The following RAB3C variants were observed in gnomAD, a reference collection of about 807,000 sequenced individuals.
RAB3C encodes RAB3C, member RAS oncogene family, also known as ras-related protein Rab-3C.
Under a neutral mutation model 26.4 loss-of-function variants are expected in RAB3C, and 17 were observed. The ratio of observed to expected loss-of-function variants is 0.64; its 90% CI spans 0.44 to 0.97. RAB3C has a LOEUF of 0.97. Among genes scored for constraint, RAB3C ranks in the 50% least tolerant of loss-of-function variants. The probability of loss-of-function intolerance (pLI) is 0.00; values close to 1 mark genes in which losing one functional copy is unlikely to be tolerated. For missense variants in RAB3C, 242 were observed against 281.9 expected, an observed-to-expected ratio of 0.86 and a Z score of 1.01; for synonymous variants, 91 against 95.9, an observed-to-expected ratio of 0.95 and a Z score of 0.30.
At chr5:58,674,997 G>C (rs1043839970) in intron 2 of RAB3C, among the ~76,000 whole-genome samples, 1 of 152,066 alleles carries the variant, frequency 6.6e-6, no homozygotes, top group African/African-American at 2.4e-5. Flanking sequence ...GCATTCCTCA[G>C]ACCTCGTGGT....
rs1173604247 is a variant in RAB3C at position 58,745,392 on chromosome 5, C to CAAAAAA, written c.371+19294_371+19299dup. On this transcript the variant is annotated intron_variant, in intron 3 of 4. Transcript: ENST00000282878. ...GCCTGGGCTGAGCGAGACTCTGCTT[C>CAAAAAA]AAAAAAAAAAAAAAAAAAAAAAAAA... Among the ~76,000 whole-genome samples, 24 of 33,096 alleles carry CAAAAAA rather than the reference C, an allele frequency of 7.3e-4. 1 individual carries two copies. The highest frequency in any genetic ancestry group is 1.5e-3 in the Admixed American group (4 of 2,608). 21.7% of individuals were successfully genotyped at this position (33,096 alleles called of 152,430 possible).
rs75384872 is a variant in RAB3C at position 58,584,670 on chromosome 5, A to G, written c.24+1438A>G. On this transcript the variant is annotated intron_variant, in intron 1 of 4. Coordinates refer to ENST00000282878, the MANE Select transcript of RAB3C (RefSeq NM_138453.4). ...AGTAGATCATTATACTTCACTATGT[A>G]TATGTATATTAAAACATGTACATCT... Among the ~76,000 whole-genome samples, 898 of 152,330 alleles carry G rather than the reference A, an allele frequency of 5.9e-3. 11 individuals carry two copies. The highest frequency in any genetic ancestry group is 0.021 in the African/African-American group (853 of 41,580).
In RAB3C at chr5:58,697,217, A is replaced by G. The variant is rs544432931; in HGVS notation, c.253-28785A>G. ...TTCAGGAGCAGGTTGTTCCGTTTCC[A>G]TGTAGTTGTGCAGTTTTGAGTGAGT... is the stretch of plus-strand genomic sequence containing the variant. On this transcript the variant is annotated intron_variant, in intron 2 of 4. Coordinates refer to ENST00000282878, the MANE Select transcript of RAB3C (RefSeq NM_138453.4). Among the ~76,000 whole-genome samples, 12 of 152,222 alleles carry G rather than the reference A, an allele frequency of 7.9e-5. No individual in the cohort carries two copies. In the South Asian group the frequency reaches 2.1e-3, roughly 26 times the overall value.
chr5:58,741,319 C>A (rs1741270126), intron 3 of RAB3C, among the ~76,000 whole-genome samples: 1 of 152,126 alleles, frequency 6.6e-6, no homozygotes, highest in Non-Finnish European at 1.5e-5. Flanking sequence ...GAATCCTTGC[C>A]CAAATGGTTG....
chr5:58,709,990 T>G (rs1174897619), intron 2 of RAB3C, among the ~76,000 whole-genome samples: 3 of 152,150 alleles, frequency 2.0e-5, no homozygotes, highest in Non-Finnish European at 4.4e-5. Flanking sequence ...TACAGAAATG[T>G]GAGGTCACTA....
intron 3 of RAB3C, among the ~76,000 whole-genome samples, chr5:58,734,112 C>T (rs1447245219): frequency 1.3e-5 from 2 of 152,158 alleles, no homozygotes; most frequent in African/African-American, 4.8e-5. Flanking sequence ...CTCTTCCTAT[C>T]AGTTTTAAAT....
rs547400225 is a variant in RAB3C at position 58,851,827 on chromosome 5, G to C, written c.*476G>C. The C allele has an allele frequency of 1.3e-5, 2 of 152,356 alleles. No individual in the cohort carries two copies. Among genetic ancestry groups the C allele is most frequent in the Admixed American group, 6.6e-5 (1 of 15,264 alleles). The allele number at this position is 152,356 out of a possible 1,614,324, so 9.4% of individuals were successfully genotyped here. A position where few individuals can be genotyped will look rare whatever the true frequency, so the allele number is the denominator to read the frequency against. ...CAAGACTTCATTTGCTTTACTCTTA[G>C]TTGAAAATCAAATGGAAGTTTTTCT... On this transcript the variant is annotated 3_prime_UTR_variant, in exon 5 of 5. Transcript: ENST00000282878.
intron 2 of RAB3C, among the ~76,000 whole-genome samples, chr5:58,711,239 A>T (rs1158152817): frequency 6.6e-6 from 1 of 152,192 alleles, no homozygotes; most frequent in African/African-American, 2.4e-5. Flanking sequence ...AGCAAGAAAC[A>T]ATGTTCCACT....
intron 3 of RAB3C, among the ~76,000 whole-genome samples, chr5:58,727,782 TTTCCAA>T (rs1208187173): frequency 2.6e-5 from 4 of 152,082 alleles, no homozygotes; most frequent in South Asian, 2.1e-4. Context: ...TATTATAAGT[TTTCCAA>T]AAGAACAAGA....
rs774601243 is a variant in RAB3C, at chr5:58,805,615, G to GAA, written c.372-19417_372-19416dup. ...AAAAAAAAAAAAAAAGAGAGAGAGA[G>GAA]AAAAAAAGAAAAGGAAAGAAAGAGA... On this transcript the variant is annotated intron_variant, in intron 3 of 4. Transcript: ENST00000282878. 6.8e-3 allele frequency among the ~76,000 whole-genome samples: 1,007 copies of GAA among 148,028 alleles called. 15 individuals carry two copies. The highest frequency in any genetic ancestry group is 9.6e-3 in the Non-Finnish European group (643 of 66,862).
At chr5:58,824,328 A>G (rs1048298492) in intron 3 of RAB3C, among the ~76,000 whole-genome samples, 3 of 116,666 alleles carry the variant, frequency 2.6e-5, no homozygotes, top group Non-Finnish European at 6.0e-5. Context: ...TCTAAGTTCC[A>G]AAATCAAAAG....
chr5:58,647,957 G>T (rs962323835), intron 2 of RAB3C, among the ~76,000 whole-genome samples: 18 of 152,040 alleles, frequency 1.2e-4, no homozygotes, highest in African/African-American at 4.3e-4. Context: ...GAAAACAGCT[G>T]AATAAAAAAA....
intron 3 of RAB3C, chr5:58,741,836 C>A (rs921515823): frequency 6.6e-6 from 1 of 151,920 alleles, no homozygotes; most frequent in African/African-American, 2.4e-5. Context: ...GAAACCCCGT[C>A]TCTACTAAAA....
chr5:58,791,748 G>T (rs531100602), intron 3 of RAB3C, among the ~76,000 whole-genome samples: 192 of 152,212 alleles, frequency 1.3e-3, no homozygotes, highest in African/African-American at 4.6e-3. Context: ...CTACCATCAG[G>T]TATAATGATA....
intron 3 of RAB3C, among the ~76,000 whole-genome samples, chr5:58,777,721 A>G (rs575544501): frequency 1.3e-5 from 2 of 151,188 alleles, no homozygotes; most frequent in East Asian, 2.0e-4. Context: ...CATTAGGTAT[A>G]TCTCCGAATG....
At chr5:58,736,017 A>C (rs1459336715) in intron 3 of RAB3C, among the ~76,000 whole-genome samples, 1 of 152,200 alleles carries the variant, frequency 6.6e-6, no homozygotes, top group Non-Finnish European at 1.5e-5. Flanking sequence ...GGGGTCCTGC[A>C]TGTACACCTA....
chr5:58,785,219 G>A (rs1375762202), intron 3 of RAB3C, among the ~76,000 whole-genome samples: 1 of 152,108 alleles, frequency 6.6e-6, no homozygotes, highest in East Asian at 1.9e-4. Context: ...AAACGTCTAC[G>A]GCATTTTAAA....
chr5:58,816,488 G>A (rs544938833), intron 3 of RAB3C, among the ~76,000 whole-genome samples: 1 of 152,206 alleles, frequency 6.6e-6, no homozygotes, highest in South Asian at 2.1e-4. Flanking sequence ...GTGACCTTCC[G>A]TTGCTTTCAC....
chr5:58,818,654 T>G (rs1416904055), intron 3 of RAB3C, among the ~76,000 whole-genome samples: 1 of 152,204 alleles, frequency 6.6e-6, no homozygotes, highest in Non-Finnish European at 1.5e-5. Context: ...CTTGTTGAGA[T>G]TAACAGTAAA....
Sources: gnomAD v4.1 joint callset for allele counts (sites outside exome capture counted in the v4.1 genomes callset) on GRCh38, gnomAD v4.1.1 for gene constraint, MANE v1.5 for transcripts, NCBI Gene and HGNC (gene_info 2026-07-23, HGNC 2026-07-21) for gene names.